CACNA2D1: variants seen among roughly 807,000 people sequenced by gnomAD.
CACNA2D1 encodes voltage-dependent calcium channel subunit alpha-2/delta-1.
A neutral mutation model predicts 171.5 loss-of-function variants in CACNA2D1; 53 were observed. That is an observed-to-expected ratio of 0.31 (90% CI 0.25 to 0.39). The LOEUF is 0.39. Ranked by LOEUF, CACNA2D1 falls within the 10% of genes least tolerant of loss-of-function variation. CACNA2D1 has a pLI of 1.00. For synonymous variants in CACNA2D1, 442 were observed against 443.1 expected, an observed-to-expected ratio of 1.00 and a Z score of 0.03; for missense variants, 903 against 1,299.8, an observed-to-expected ratio of 0.69 and a Z score of 4.69.
At chr7:82,276,963 G>A (rs767515713) in intron 3 of CACNA2D1, among the ~76,000 whole-genome samples, 5 of 151,878 alleles carry the variant, frequency 3.3e-5, no homozygotes, top group Non-Finnish European at 5.9e-5. Context: ...GGCCAGGATG[G>A]TCTCGATCTC....
chr7:82,401,544 T>C (rs1417949489), intron 1 of CACNA2D1, among the ~76,000 whole-genome samples: 2 of 131,346 alleles, frequency 1.5e-5, no homozygotes, highest in Admixed American at 8.5e-5. Flanking sequence ...CATCACACTC[T>C]GGAGACTGTT....
At chr7:82,180,855 ACAGAGACAGG>A (rs1295494243) in intron 3 of CACNA2D1, among the ~76,000 whole-genome samples, 1 of 151,714 alleles carries the variant, frequency 6.6e-6, no homozygotes, top group East Asian at 1.9e-4. Context: ...AGAAATAGAG[ACAGAGACAGG>A]CAGAGACAGT....
chr7:82,303,107 C>T (rs535296866), intron 3 of CACNA2D1, among the ~76,000 whole-genome samples: 2 of 152,276 alleles, frequency 1.3e-5, no homozygotes, highest in South Asian at 4.1e-4. Flanking sequence ...CATTCTCCCG[C>T]CTCAGCCTCC....
chr7:82,071,008 A>C (rs1432544036), intron 7 of CACNA2D1, among the ~76,000 whole-genome samples: 1 of 152,198 alleles, frequency 6.6e-6, no homozygotes, highest in Non-Finnish European at 1.5e-5. Context: ...TTTAGGACTG[A>C]AGTGGCTTGC....
chr7:82,015,269 T>G (rs962744966), intron 12 of CACNA2D1, among the ~76,000 whole-genome samples: 9 of 152,280 alleles, frequency 5.9e-5, no homozygotes, highest in Admixed American at 5.9e-4. Flanking sequence ...TTTGTGATGG[T>G]TTTCACCATG....
Position 82,080,918 on chromosome 7 carries a change from T to C in CACNA2D1, c.658+3851A>G, listed in dbSNP as rs549199022. ...TAGTTGACATGCACTATTGTAGAAA[T>C]GCCTACTGTTTCCTATTTTCAAAGT... On this transcript the variant is annotated intron_variant, in intron 7 of 38. Coordinates refer to ENST00000356860, the MANE Select transcript of CACNA2D1 (RefSeq NM_000722.4). 1.7e-4 allele frequency among the ~76,000 whole-genome samples: 26 copies of C among 152,378 alleles called. 1 individual carries two copies. The South Asian group carries it at 4.3e-3, about 25-fold the overall frequency.
In CACNA2D1 at chr7:82,156,988, A is replaced by C. The variant is rs115708224; in HGVS notation, c.354+13562T>G. ...TAATTTGCTCAACAAGTAGCCTTGA[A>C]TCTTACATCTTCTAAAGGAATGTAA... On this transcript the variant is annotated intron_variant, in intron 4 of 38. Coordinates refer to ENST00000356860, the MANE Select transcript of CACNA2D1 (RefSeq NM_000722.4). Among the ~76,000 whole-genome samples the C allele has an allele frequency of 6.0e-3, 911 of 152,274 alleles. 14 individuals carry two copies. The highest frequency in any genetic ancestry group is 0.021 in the African/African-American group (870 of 41,568).
chr7:81,968,246 C>G (rs376045510), intron 29 of CACNA2D1, among the ~76,000 whole-genome samples: 1 of 151,434 alleles, frequency 6.6e-6, no homozygotes, highest in East Asian at 1.9e-4. Context: ...TCCTTTAAAA[C>G]TTCAAACACT....
intron 28 of CACNA2D1, 97 bp from the exon 29 acceptor site, chr7:81,969,070 A>C: frequency 1.3e-6 from 1 of 757,864 alleles, no homozygotes; most frequent in South Asian, 1.5e-5. Flanking sequence ...TATTTTGCTT[A>C]AAAATTCTAG....
chr7:82,057,709 C>T (rs887267954), intron 10 of CACNA2D1, among the ~76,000 whole-genome samples: 2 of 152,028 alleles, frequency 1.3e-5, no homozygotes, highest in Non-Finnish European at 2.9e-5. Flanking sequence ...GAATGGACAA[C>T]TGCAGAAACC....
intron 1 of CACNA2D1, among the ~76,000 whole-genome samples, chr7:82,413,834 A>ACTAATATACT (rs2129455715): frequency 6.6e-6 from 1 of 152,210 alleles, no homozygotes; most frequent in South Asian, 2.1e-4. Context: ...TAATATATAC[A>ACTAATATACT]CACATATATA....
intron 3 of CACNA2D1, among the ~76,000 whole-genome samples, chr7:82,258,840 G>A (rs1260161714): frequency 1.3e-4 from 1 of 7,830 alleles, no homozygotes; most frequent in African/African-American, 4.3e-4. Flanking sequence ...TTTTTTTTTT[G>A]AGACAGTTTC....
chr7:82,253,601 G>A (rs974410532), intron 3 of CACNA2D1, among the ~76,000 whole-genome samples: 6 of 151,952 alleles, frequency 3.9e-5, no homozygotes, highest in Non-Finnish European at 5.9e-5. Context: ...TTGAGATACC[G>A]GCATACAAAA....
intron 6 of CACNA2D1, among the ~76,000 whole-genome samples, chr7:82,116,149 A>G (rs1789012910): frequency 6.6e-6 from 1 of 152,108 alleles, no homozygotes; most frequent in Non-Finnish European, 1.5e-5. Context: ...CTTACCCTTT[A>G]CTATGTGAGA....
At chr7:82,127,555 C>G (rs977961981) in intron 5 of CACNA2D1, among the ~76,000 whole-genome samples, 3 of 152,120 alleles carry the variant, frequency 2.0e-5, no homozygotes, top group African/African-American at 7.2e-5. Flanking sequence ...GAAGATCAAA[C>G]CCTGTACACA....
At chr7:82,028,483 T>G (rs1480892589) in intron 12 of CACNA2D1, 1 of 151,872 alleles carries the variant, frequency 6.6e-6, no homozygotes, top group Non-Finnish European at 1.5e-5. Flanking sequence ...CTTTCAAGTC[T>G]TATTAATTAT....
chr7:82,075,286 T>G (rs896229248), intron 7 of CACNA2D1, among the ~76,000 whole-genome samples: 2 of 151,910 alleles, frequency 1.3e-5, no homozygotes, highest in African/African-American at 4.8e-5. Context: ...ATAACACACT[T>G]AAAGCATTTT....
At chr7:81,995,936 T>G (rs986537779) in intron 19 of CACNA2D1, among the ~76,000 whole-genome samples, 3 of 152,084 alleles carry the variant, frequency 2.0e-5, no homozygotes, top group African/African-American at 7.2e-5. Flanking sequence ...AAGCTGCAAA[T>G]GATAAGTAAA....
At chr7:82,357,792 C>G (rs912177871) in intron 1 of CACNA2D1, among the ~76,000 whole-genome samples, 26 of 149,698 alleles carry the variant, frequency 1.7e-4, no homozygotes, top group Admixed American at 7.3e-4. Context: ...AGCACACCAA[C>G]ATGGCACATG....
Sources: allele counts gnomAD v4.1 joint callset (sites outside exome capture counted in the v4.1 genomes callset), GRCh38; gene constraint gnomAD v4.1.1; transcripts MANE v1.5; gene names NCBI Gene and HGNC (gene_info 2026-07-23, HGNC 2026-07-21).